The following L3MBTL4 variants were observed in gnomAD, a reference collection of about 807,000 sequenced individuals.
L3MBTL4 encodes the protein L3MBTL histone methyl-lysine binding protein 4.
L3MBTL4 carries 70 observed loss-of-function variants against 84.5 expected under a neutral mutation model. The ratio of observed to expected loss-of-function variants is 0.83; its 90% CI spans 0.68 to 1.01. L3MBTL4 has a LOEUF of 1.01. Ranked by LOEUF, L3MBTL4 falls within the 50% of genes least tolerant of loss-of-function variation. The pLI is 0.00. For synonymous variants in L3MBTL4, 274 were observed against 259.8 expected (o/e 1.05, Z -0.52); for missense variants, 715 against 754.8 (o/e 0.95, Z 0.62).
chr18:5,970,372 C>T (rs1429189141), intron 16 of L3MBTL4, among the ~76,000 whole-genome samples: 1 of 152,252 alleles, frequency 6.6e-6, no homozygotes, highest in Non-Finnish European at 1.5e-5. Context: ...CCATGCACTT[C>T]AGCCCCACAC....
intron 10 of L3MBTL4, among the ~76,000 whole-genome samples, chr18:6,222,044 C>A (rs545094797): frequency 6.6e-6 from 1 of 152,186 alleles, no homozygotes; most frequent in African/African-American, 2.4e-5. Flanking sequence ...ATGCTTCAAT[C>A]GTGGCCAAGC....
rs368700146 is a variant in L3MBTL4, at chr18:6,414,401, G to C, written c.-91+400C>G. 6.6e-6 allele frequency among the ~76,000 whole-genome samples: 1 copy of C among 152,100 alleles called. No homozygotes were observed. Among genetic ancestry groups the C allele is most frequent in the Non-Finnish European group, 1.5e-5 (1 of 67,990 alleles). ...CTCGATGGCCGGAGGACTGCCTGGG[G>C]GCCCTCAGGAGTCCCGTCCCGTCCC... On this transcript the variant is annotated intron_variant, in intron 1 of 18. Coordinates refer to ENST00000317931, the MANE Select transcript of L3MBTL4 (RefSeq NM_001330559.2). This position sits in a 1 kb window ranked among gnomAD's most constrained non-coding sequence, Gnocchi z 5.4.
intron 16 of L3MBTL4, among the ~76,000 whole-genome samples, chr18:6,032,993 T>C (rs1284991692): frequency 6.6e-6 from 1 of 152,228 alleles, no homozygotes; most frequent in Non-Finnish European, 1.5e-5. Context: ...GAAGACTGTA[T>C]GCCGCTGTTG....
intron 1 of L3MBTL4, among the ~76,000 whole-genome samples, chr18:6,399,165 C>T (rs1057474464): frequency 1.3e-5 from 2 of 152,160 alleles, no homozygotes; most frequent in African/African-American, 4.8e-5. Flanking sequence ...GGACACTGGG[C>T]TTGGTGGCTC....
At chr18:6,092,813 A>G (rs985095632) in intron 15 of L3MBTL4, among the ~76,000 whole-genome samples, 3 of 152,258 alleles carry the variant, frequency 2.0e-5, no homozygotes, top group Admixed American at 2.0e-4. Flanking sequence ...AAAAATGAGA[A>G]CTGGTATTTA....
At chr18:6,051,123 A>C (rs2056822913) in intron 16 of L3MBTL4, among the ~76,000 whole-genome samples, 1 of 152,206 alleles carries the variant, frequency 6.6e-6, no homozygotes, top group East Asian at 1.9e-4. Context: ...AGTCAACAGA[A>C]CACAGAGCAC....
At chr18:6,268,141 C>T (rs1219326929) in intron 4 of L3MBTL4, among the ~76,000 whole-genome samples, 1 of 152,166 alleles carries the variant, frequency 6.6e-6, no homozygotes, top group Non-Finnish European at 1.5e-5. Context: ...AGTGGTGGCT[C>T]ACACCTGTAA....
intron 16 of L3MBTL4, among the ~76,000 whole-genome samples, chr18:6,011,419 TAGAC>T (rs749900073): frequency 2.2e-4 from 34 of 152,284 alleles, no homozygotes; most frequent in Admixed American, 2.0e-3. Flanking sequence ...ATACCTGACA[TAGAC>T]AGCTCTATGG....
intron 1 of L3MBTL4, among the ~76,000 whole-genome samples, chr18:6,413,532 AC>A (rs2056057815): frequency 6.6e-6 from 1 of 152,330 alleles, no homozygotes; most frequent in African/African-American, 2.4e-5. Context: ...ACTCTACTGT[AC>A]CCACCACCTG....
intron 16 of L3MBTL4, among the ~76,000 whole-genome samples, chr18:6,057,155 C>T (rs8095734): frequency 0.18 from 27,254 of 151,866 alleles, 4,671 homozygotes; most frequent in African/African-American, 0.46. Context: ...CTCAGCCTCT[C>T]GAGTATCTGG....
intron 1 of L3MBTL4, among the ~76,000 whole-genome samples, chr18:6,342,743 T>G (rs1304264148): frequency 6.6e-6 from 1 of 152,114 alleles, no homozygotes; most frequent in Non-Finnish European, 1.5e-5. Flanking sequence ...TATCAATAAT[T>G]ATTTTAAATT....
At chr18:6,093,612 T>A in intron 14 of L3MBTL4, 84 bp from the exon 15 acceptor site, 1 of 1,120,366 alleles carries the variant, frequency 8.9e-7, no homozygotes, top group Non-Finnish European at 1.2e-6. Context: ...GACTTACACC[T>A]AATATTTAAA....
chr18:6,335,800 G>A (rs1009444065), intron 1 of L3MBTL4, among the ~76,000 whole-genome samples: 3 of 152,184 alleles, frequency 2.0e-5, no homozygotes, highest in Non-Finnish European at 4.4e-5. Context: ...TGTGAAGAAG[G>A]TGCCTGCTTC....
intron 12 of L3MBTL4, among the ~76,000 whole-genome samples, chr18:6,211,502 T>G (rs906557585): frequency 1.3e-5 from 2 of 152,202 alleles, no homozygotes; most frequent in African/African-American, 4.8e-5. Flanking sequence ...GAAGAAAAAC[T>G]TCAATTGCTT....
intron 1 of L3MBTL4, among the ~76,000 whole-genome samples, chr18:6,361,893 A>C (rs2053711222): frequency 6.6e-6 from 1 of 151,978 alleles, no homozygotes; most frequent in Non-Finnish European, 1.5e-5. Context: ...ACGCAGGGTG[A>C]CCGCTTGACT....
chr18:6,381,601 G>T (rs2054598001), intron 1 of L3MBTL4, among the ~76,000 whole-genome samples: 1 of 152,208 alleles, frequency 6.6e-6, no homozygotes, highest in African/African-American at 2.4e-5. Flanking sequence ...AGCTTAGTTA[G>T]GCTGGATATG....
rs373700340 is a variant in L3MBTL4 at position 6,095,210 on chromosome 18, G to A, written c.1200-1682C>T. Among the ~76,000 whole-genome samples, 4 of 152,230 alleles carry A rather than the reference G, an allele frequency of 2.6e-5. No homozygotes were observed. The East Asian group carries it at 5.8e-4, about 22-fold the overall frequency. ...TGACTGAATACCCAAAGGTATTAGC[G>A]TATTTATTTTACTGGTAAGACAACA... On this transcript the variant is annotated intron_variant, in intron 14 of 18. Transcript: ENST00000317931.
chr18:6,361,369 C>T (rs1323054152), intron 1 of L3MBTL4, among the ~76,000 whole-genome samples: 3 of 152,178 alleles, frequency 2.0e-5, no homozygotes, highest in Admixed American at 6.5e-5. Context: ...GTCTCCCCAC[C>T]GCCGTCTGCC....
At chr18:5,995,453 T>C (rs1440650259) in intron 16 of L3MBTL4, among the ~76,000 whole-genome samples, 3 of 152,250 alleles carry the variant, frequency 2.0e-5, no homozygotes, top group Non-Finnish European at 4.4e-5. Context: ...TTCTGATTTA[T>C]GACAATTTCA....
Sources: allele counts gnomAD v4.1 joint callset (sites outside exome capture counted in the v4.1 genomes callset), GRCh38; gene constraint gnomAD v4.1.1; non-coding constraint Gnocchi (gnomAD v3.1); transcripts MANE v1.5; gene names NCBI Gene and HGNC (gene_info 2026-07-23, HGNC 2026-07-21).